Variants in DNAH8 observed in about 807,000 individuals in gnomAD.
DNAH8 encodes the protein dynein axonemal heavy chain 8.
DNAH8 carries 382 observed loss-of-function variants against 562.1 expected under a neutral mutation model. The observed-to-expected ratio is 0.68, with a 90% CI of 0.63 to 0.74. DNAH8 has a LOEUF of 0.74. Among genes scored for constraint, DNAH8 ranks in the 30% least tolerant of loss-of-function variants. The pLI is 0.00. For missense variants in DNAH8, 5,203 were observed against 5,620.4 expected (o/e 0.93, Z 2.37); for synonymous variants, 1,881 against 1,919.4 (o/e 0.98, Z 0.52).
At chr6:38,811,965 A>C (rs1285983453) in intron 24 of DNAH8, among the ~76,000 whole-genome samples, 2 of 152,100 alleles carry the variant, frequency 1.3e-5, no homozygotes. Flanking sequence ...TTAGTTACTT[A>C]TCAGGGAATT....
intron 25 of DNAH8, among the ~76,000 whole-genome samples, 186 bp from the exon 26 acceptor site, chr6:38,815,282 C>CG (rs1234291092): frequency 2.6e-5 from 4 of 152,096 alleles, no homozygotes; most frequent in African/African-American, 9.7e-5. Context: ...GAATCGATAG[C>CG]GGGAAAACTT....
At chr6:38,876,197 C>T (rs1402575437) in intron 53 of DNAH8, among the ~76,000 whole-genome samples, 1 of 152,190 alleles carries the variant, frequency 6.6e-6, no homozygotes, top group Non-Finnish European at 1.5e-5. Context: ...CCCCACAATT[C>T]CCCTGTTGGG....
intron 3 of DNAH8, among the ~76,000 whole-genome samples, chr6:38,727,848 G>A (rs1216500743): frequency 6.6e-6 from 1 of 152,122 alleles, no homozygotes; most frequent in Non-Finnish European, 1.5e-5. Flanking sequence ...TACTGGCAAT[G>A]TTTTCCAGTG....
At chr6:38,852,235 C>T (rs910507333) in intron 39 of DNAH8, among the ~76,000 whole-genome samples, 2 of 152,122 alleles carry the variant, frequency 1.3e-5, no homozygotes, top group Non-Finnish European at 2.9e-5. Flanking sequence ...AGGTCCCATC[C>T]CAGGGCCAAT....
intron 57 of DNAH8, among the ~76,000 whole-genome samples, chr6:38,889,404 G>A (rs568811223): frequency 6.6e-6 from 1 of 152,144 alleles, no homozygotes; most frequent in South Asian, 2.1e-4. Context: ...GAGAGGTGGC[G>A]ACCTCTGGAG....
chr6:38,923,660 GA>G, intron 72 of DNAH8: 1 of 238,956 alleles, frequency 4.2e-6, no homozygotes. Flanking sequence ...GGAGGGGAAA[GA>G]AAAAATGGTT....
intron 66 of DNAH8, among the ~76,000 whole-genome samples, chr6:38,911,916 T>C (rs1780935269): frequency 6.6e-6 from 1 of 152,238 alleles, no homozygotes; most frequent in East Asian, 1.9e-4. Flanking sequence ...GTTTTTGGTT[T>C]CATTTTGATT....
At chr6:38,801,559 T>C (rs994678396) in intron 21 of DNAH8, among the ~76,000 whole-genome samples, 4 of 152,238 alleles carry the variant, frequency 2.6e-5, no homozygotes, top group African/African-American at 9.6e-5. Flanking sequence ...TCAGCTGGAA[T>C]TGTCTACTTG....
In DNAH8 at chr6:38,722,876, G is replaced by T. The variant is rs1236967297; in HGVS notation, c.67G>T (p.Ala23Ser). 1 of 1,611,758 alleles carries T rather than the reference G, an allele frequency of 6.2e-7. No individual in the cohort carries two copies. Among genetic ancestry groups the T allele is most frequent in the African/African-American group, 1.3e-5 (1 of 74,912 alleles). Residue 23 changes from alanine to serine, a missense_variant, in exon 2 of 93, where the codon GCT becomes TCT. Transcript: ENST00000327475. ...AGAGGCTCCTCCCTCTACGGAAGAGGCTGCCCCTCCCCGTTCAGAAGAGGA... is the reference window on the plus strand; with the variant it reads ...AGAGGCTCCTCCCTCTACGGAAGAGTCTGCCCCTCCCCGTTCAGAAGAGGA... Reference protein sequence around the residue: ...GAEAPPSTEEAAPPRSEEEEA... With the variant: ...GAEAPPSTEESAPPRSEEEEA...
intron 1 of DNAH8, among the ~76,000 whole-genome samples, chr6:38,720,569 G>T (rs766134161): frequency 6.6e-6 from 1 of 152,096 alleles, no homozygotes; most frequent in Non-Finnish European, 1.5e-5. Flanking sequence ...AAAAACAAAA[G>T]AAAATCTACA....
intron 8 of DNAH8, chr6:38,743,955 T>C (rs950572753): frequency 1.3e-5 from 2 of 152,234 alleles, no homozygotes; most frequent in Non-Finnish European, 2.9e-5. Context: ...ATGGTTCCTT[T>C]TCTATGTGTT....
At chr6:38,951,790 A>G (rs1761926442) in intron 82 of DNAH8, among the ~76,000 whole-genome samples, 1 of 152,082 alleles carries the variant, frequency 6.6e-6, no homozygotes, top group Non-Finnish European at 1.5e-5. Context: ...GCTGTATTGC[A>G]TGGATAGCTG....
At chr6:38,807,855 A>G (rs1052492281) in intron 24 of DNAH8, 139 bp downstream of exon 24, 4 of 411,440 alleles carry the variant, frequency 9.7e-6, no homozygotes, top group Non-Finnish European at 1.6e-5. Context: ...GTATTTGTGT[A>G]ATACTGCAAG....
chr6:38,759,355 A>G (rs1018463906), intron 10 of DNAH8, among the ~76,000 whole-genome samples: 4 of 152,164 alleles, frequency 2.6e-5, no homozygotes, highest in African/African-American at 9.7e-5. Context: ...CCACCAACGA[A>G]AAAACCCACA....
chr6:38,794,352 A>T (rs1256227516), intron 21 of DNAH8, among the ~76,000 whole-genome samples: 1 of 152,164 alleles, frequency 6.6e-6, no homozygotes, highest in South Asian at 2.1e-4. Context: ...AGCCCATAGA[A>T]GCTATGGTTT....
chr6:38,818,366 T>G (rs1054026143), intron 26 of DNAH8, among the ~76,000 whole-genome samples: 2 of 151,966 alleles, frequency 1.3e-5, no homozygotes, highest in African/African-American at 4.8e-5. Flanking sequence ...CTTGGACTTA[T>G]CAACAATCTT....
At chr6:38,788,274 C>T (rs1020438560) in intron 18 of DNAH8, among the ~76,000 whole-genome samples, 9 of 152,036 alleles carry the variant, frequency 5.9e-5, no homozygotes, top group Admixed American at 2.0e-4. Flanking sequence ...GCTTCAGCCT[C>T]CCGAATAGCT....
intron 24 of DNAH8, among the ~76,000 whole-genome samples, chr6:38,810,404 C>T (rs1730263736): frequency 1.3e-5 from 2 of 152,050 alleles, no homozygotes; most frequent in African/African-American, 4.8e-5. Context: ...CCAGCGTGAC[C>T]AACATGGTGA....
chr6:38,804,447 A>G (rs1771067551), intron 22 of DNAH8, among the ~76,000 whole-genome samples: 1 of 152,178 alleles, frequency 6.6e-6, no homozygotes, highest in African/African-American at 2.4e-5. Context: ...TAGTATTGTA[A>G]GGGGATGTGC....
Sources: allele counts gnomAD v4.1 joint callset (sites outside exome capture counted in the v4.1 genomes callset), GRCh38; gene constraint gnomAD v4.1.1; transcripts MANE v1.5; gene names NCBI Gene and HGNC (gene_info 2026-07-23, HGNC 2026-07-21).